C11orf87: variants seen among roughly 807,000 people sequenced by gnomAD.
The protein encoded by C11orf87 is chromosome 11 open reading frame 87.
C11orf87 carries 3 observed loss-of-function variants against 9.2 expected under a neutral mutation model. The observed-to-expected ratio is 0.33, with a 90% confidence interval of 0.15 to 0.84. The LOEUF (loss-of-function observed/expected upper bound fraction) is 0.84, where lower values mean the gene tolerates loss of function less well. Among genes scored for constraint, C11orf87 ranks in the 40% least tolerant of loss-of-function variants. The probability of loss-of-function intolerance (pLI) is 0.55; values close to 1 mark genes in which losing one functional copy is unlikely to be tolerated. For synonymous variants in C11orf87, 124 were observed against 124.6 expected (o/e 1.00, Z 0.03); for missense variants, 256 against 270.7 (o/e 0.95, Z 0.38).
chr11:109,424,231 T>C lies in C11orf87; in HGVS notation c.*4T>C. The C allele has an allele frequency of 6.2e-7, 1 of 1,605,112 alleles. No individual in the cohort carries two copies. The highest frequency in any genetic ancestry group is 1.7e-5 in the Admixed American group (1 of 58,516). On this transcript the variant is annotated 3_prime_UTR_variant, in exon 2 of 2. Transcript: ENST00000327419. This position sits in a 1 kb window ranked among gnomAD's most constrained non-coding sequence, Gnocchi z 4.7. ...GCAAACGGTGGTACTGTCCTGATCGTCTAGCCCCTCTCGTTCCCCGTCCTC... is the reference window on the plus strand; with the variant it reads ...GCAAACGGTGGTACTGTCCTGATCGCCTAGCCCCTCTCGTTCCCCGTCCTC...
At position 109,424,833 on chromosome 11, in the gene C11orf87, G is replaced by A. The variant is rs1021765738; in HGVS notation, c.*606G>A. Reference sequence around the variant, plus strand: ...AGCACCAGGACTGCAAGAGGCCATAGAGAATAGTCCCCGGAAAGTGTTTAT... The same window carrying A: ...AGCACCAGGACTGCAAGAGGCCATAAAGAATAGTCCCCGGAAAGTGTTTAT... On this transcript the variant is annotated 3_prime_UTR_variant, in exon 2 of 2. Coordinates refer to ENST00000327419, the MANE Select transcript of C11orf87 (RefSeq NM_207645.4). The surrounding 1 kb of genome is among the most constrained non-coding windows in gnomAD (Gnocchi z 4.7). The A allele has an allele frequency of 1.2e-5, 2 of 167,158 alleles. No homozygotes were observed. Among genetic ancestry groups the A allele is most frequent in the Admixed American group, 1.3e-4 (2 of 15,274 alleles). The allele number at this position is 167,158 out of a possible 1,614,324, so 10.4% of individuals were successfully genotyped here.
rs1017230491 is a variant in C11orf87 at position 109,425,692 on chromosome 11, G to A, written c.*1465G>A. ...AAGAATGCCATCTATTAAAAACATG[G>A]TTAATATTTAAACAGTGCCTGTAGT... On this transcript the variant is annotated 3_prime_UTR_variant, in exon 2 of 2. Transcript: ENST00000327419. The A allele has an allele frequency of 6.5e-6, 1 of 153,564 alleles. No individual in the cohort carries two copies. Among genetic ancestry groups the A allele is most frequent in the Non-Finnish European group, 1.5e-5 (1 of 68,038 alleles). 9.5% of individuals were successfully genotyped at this position (153,564 alleles called of 1,614,324 possible).
In C11orf87 at chr11:109,426,251, A is replaced by G. The variant is rs1176716199; in HGVS notation, c.*2024A>G. Reference sequence around the variant, plus strand: ...AAGCTCTACCAAGAGAGTCCTTACTATCCTGCAGGGTGTAAGGCAACAGTG... The same window carrying G: ...AAGCTCTACCAAGAGAGTCCTTACTGTCCTGCAGGGTGTAAGGCAACAGTG... On this transcript the variant is annotated 3_prime_UTR_variant, in exon 2 of 2. Coordinates refer to ENST00000327419, the MANE Select transcript of C11orf87 (RefSeq NM_207645.4). The G allele has an allele frequency of 1.3e-5, 2 of 152,184 alleles. No homozygotes were observed. The highest frequency in any genetic ancestry group is 1.9e-4 in the East Asian group (1 of 5,192). 9.4% of individuals were successfully genotyped at this position (152,184 alleles called of 1,614,324 possible).
chr11:109,424,164 C>G lies in C11orf87; in HGVS notation c.531C>G (p.His177Gln). ...CAGCCTCCAGTCCCCAAGGAGCACACGCAGCTTCCTCCTGTTTGGACACAG... is the reference window on the plus strand; with the variant it reads ...CAGCCTCCAGTCCCCAAGGAGCACAGGCAGCTTCCTCCTGTTTGGACACAG... ...PPPASSPQGAHAASSCLDTAG... is the reference protein window; with the variant it reads ...PPPASSPQGAQAASSCLDTAG... The change falls in exon 2 of 2, where the codon CAC (histidine) becomes CAG (glutamine). Residue 177 changes from histidine (H) to glutamine (Q), a missense_variant. Transcript: ENST00000327419. The surrounding 1 kb of genome is among the most constrained non-coding windows in gnomAD (Gnocchi z 4.7). The G allele has an allele frequency of 1.2e-6, 2 of 1,614,196 alleles. No individual in the cohort carries two copies. The highest frequency in any genetic ancestry group is 1.1e-5 in the South Asian group (1 of 91,086).
Position 109,423,981 on chromosome 11 carries a change from C to G in C11orf87, c.348C>G (p.Pro116=). The G allele has an allele frequency of 6.2e-7, 1 of 1,613,886 alleles. No individual in the cohort carries two copies. The highest frequency in any genetic ancestry group is 8.5e-7 in the Non-Finnish European group (1 of 1,179,864). ...CSGSRGGGGL[P]RPGRQAPTHA... ...GCAGCCGCGGTGGCGGGGGGCTGCC[C>G]CGACCTGGCAGGCAGGCCCCAACCC... is the stretch of plus-strand genomic sequence containing the variant. The change falls in exon 2 of 2, where the codon CCC becomes CCG. Residue 116 remains proline (P), a synonymous_variant. Coordinates refer to ENST00000327419, the MANE Select transcript of C11orf87 (RefSeq NM_207645.4). The surrounding 1 kb of genome is among the most constrained non-coding windows in gnomAD (Gnocchi z 5.3).
Position 109,422,212 on chromosome 11 carries a change from C to T in C11orf87, c.-311C>T, listed in dbSNP as rs1484294275. On this transcript the variant is annotated 5_prime_UTR_variant, in exon 1 of 2. Transcript: ENST00000327419. ...TTCACTCCACGCTTTCTGCAGCCGCCACTGCAGCCGCGCGGCGGGGGCTCC... is the reference window on the plus strand; with the variant it reads ...TTCACTCCACGCTTTCTGCAGCCGCTACTGCAGCCGCGCGGCGGGGGCTCC... The T allele has an allele frequency of 1.5e-5, 3 of 203,570 alleles. No individual in the cohort carries two copies. The highest frequency in any genetic ancestry group is 3.0e-5 in the Non-Finnish European group (3 of 100,882). The allele number at this position is 203,570 out of a possible 1,614,324, so 12.6% of individuals were successfully genotyped here.
Position 109,424,562 on chromosome 11 carries a change from C to A in C11orf87, c.*335C>A. The A allele has an allele frequency of 5.9e-6, 1 of 170,822 alleles. No homozygotes were observed. The allele number at this position is 170,822 out of a possible 1,614,324, so 10.6% of individuals were successfully genotyped here. ...TGGAGGATGCATCTTCCCATTCCAC[C>A]CCGCGCTCCCCTCAATTAGGAGGAG... On this transcript the variant is annotated 3_prime_UTR_variant, in exon 2 of 2. Coordinates refer to ENST00000327419, the MANE Select transcript of C11orf87 (RefSeq NM_207645.4). The surrounding 1 kb of genome is among the most constrained non-coding windows in gnomAD (Gnocchi z 4.7).
rs1194545276 is a variant in C11orf87, at chr11:109,428,153, A to G, written c.*3926A>G. ...AAATATCTAGATGGAAAGCAAAAAT[A>G]TCCAGAAGAGGTTTAGGGCCATCTA... On this transcript the variant is annotated 3_prime_UTR_variant, in exon 2 of 2. Coordinates refer to ENST00000327419, the MANE Select transcript of C11orf87 (RefSeq NM_207645.4). 1 of 152,166 alleles carries G rather than the reference A, an allele frequency of 6.6e-6. No individual in the cohort carries two copies. The highest frequency in any genetic ancestry group is 1.5e-5 in the Non-Finnish European group (1 of 67,984). 9.4% of individuals were successfully genotyped at this position (152,166 alleles called of 1,614,324 possible). A position where few individuals can be genotyped will look rare whatever the true frequency, so the allele number is the denominator to read the frequency against.
At position 109,424,808 on chromosome 11, in the gene C11orf87, A is replaced by T. The variant is rs910909662; in HGVS notation, c.*581A>T. On this transcript the variant is annotated 3_prime_UTR_variant, in exon 2 of 2. Coordinates refer to ENST00000327419, the MANE Select transcript of C11orf87 (RefSeq NM_207645.4). The surrounding 1 kb of genome is among the most constrained non-coding windows in gnomAD (Gnocchi z 4.7). The stretch of plus-strand genomic sequence containing the variant: ...TATTATAAAGAAAATGTCTACATTA[A>T]GCACCAGGACTGCAAGAGGCCATAG... 5 of 167,124 alleles carry T rather than the reference A, an allele frequency of 3.0e-5. No individual in the cohort carries two copies. Among genetic ancestry groups the T allele is most frequent in the Non-Finnish European group, 7.3e-5 (5 of 68,164 alleles). The allele number at this position is 167,124 out of a possible 1,614,324, so 10.4% of individuals were successfully genotyped here. A position where few individuals can be genotyped will look rare whatever the true frequency, so the allele number is the denominator to read the frequency against.
rs1205623439 is a variant in C11orf87 at position 109,425,235 on chromosome 11, G to A, written c.*1008G>A. ...CTTCTTTTTCTACAATCGAGTTAGC[G>A]TGTACTATTGGTTTTCTTATTATTA... On this transcript the variant is annotated 3_prime_UTR_variant, in exon 2 of 2. Transcript: ENST00000327419. 2 of 166,496 alleles carry A rather than the reference G, an allele frequency of 1.2e-5. No homozygotes were observed. Among genetic ancestry groups the A allele is most frequent in the Non-Finnish European group, 1.5e-5 (1 of 68,064 alleles). The allele number at this position is 166,496 out of a possible 1,614,324, so 10.3% of individuals were successfully genotyped here. A position where few individuals can be genotyped will look rare whatever the true frequency, so the allele number is the denominator to read the frequency against.
In C11orf87 at chr11:109,423,993, G is replaced by C. The variant is rs552501040; in HGVS notation, c.360G>C (p.Arg120Ser). The C allele has an allele frequency of 6.2e-7, 1 of 1,613,888 alleles. No homozygotes were observed. The highest frequency in any genetic ancestry group is 1.3e-5 in the African/African-American group (1 of 75,064). The change falls in exon 2 of 2, where the codon AGG becomes AGC. Residue 120 changes from arginine (R) to serine (S), a missense_variant. By Grantham distance (110) the Arg-to-Ser change is moderately radical. Coordinates refer to ENST00000327419, the MANE Select transcript of C11orf87 (RefSeq NM_207645.4). The surrounding 1 kb of genome is among the most constrained non-coding windows in gnomAD (Gnocchi z 5.3). ...RGGGGLPRPG[R>S]QAPTHAKETR... ...GCGGGGGGCTGCCCCGACCTGGCAG[G>C]CAGGCCCCAACCCACGCAAAGGAAA...
At position 109,425,308 on chromosome 11, in the gene C11orf87, G is replaced by C. The variant is rs1860557911; in HGVS notation, c.*1081G>C. The C allele has an allele frequency of 1.2e-5, 2 of 166,654 alleles. No homozygotes were observed. The highest frequency in any genetic ancestry group is 2.4e-5 in the African/African-American group (1 of 41,322). 10.3% of individuals were successfully genotyped at this position (166,654 alleles called of 1,614,324 possible). A position where few individuals can be genotyped will look rare whatever the true frequency, so the allele number is the denominator to read the frequency against. On this transcript the variant is annotated 3_prime_UTR_variant, in exon 2 of 2. Transcript: ENST00000327419. ...TTGTAAAAAAAAAAAAGTATTAGGT[G>C]ATGTGCAGTACTGAAAGTGCAGTAT...
At position 109,424,421 on chromosome 11, in the gene C11orf87, G is replaced by A. The variant is rs923646237; in HGVS notation, c.*194G>A. The A allele has an allele frequency of 3.8e-6, 2 of 530,296 alleles. No individual in the cohort carries two copies. The highest frequency in any genetic ancestry group is 3.7e-5 in the Admixed American group (1 of 26,680). The allele number at this position is 530,296 out of a possible 1,614,324, so 32.8% of individuals were successfully genotyped here. ...TATTTGTAAATATTGGGCGAGGAAA[G>A]TCTCGGAAGAAGAAATAACGCTGAT... is the stretch of plus-strand genomic sequence containing the variant. On this transcript the variant is annotated 3_prime_UTR_variant, in exon 2 of 2. Transcript: ENST00000327419. The surrounding 1 kb of genome is among the most constrained non-coding windows in gnomAD (Gnocchi z 4.7).
rs759575149 is a variant in C11orf87, at chr11:109,423,674, C to A, written c.41C>A (p.Pro14Gln). The change falls in exon 2 of 2, where the codon CCG becomes CAG. Residue 14 changes from proline to glutamine, a missense_variant. Coordinates refer to ENST00000327419, the MANE Select transcript of C11orf87 (RefSeq NM_207645.4). The surrounding 1 kb of genome is among the most constrained non-coding windows in gnomAD (Gnocchi z 5.3). ...CCGAAGGAGCTGAGGCTGGCGTTGC[C>A]GCCGTGTCTCCTCAACCGGACCTTT... ...RAPKELRLAL[P>Q]PCLLNRTFAS... is the part of the protein sequence containing the mutation. 2 of 1,608,496 alleles carry A rather than the reference C, an allele frequency of 1.2e-6. No individual in the cohort carries two copies. The highest frequency in any genetic ancestry group is 2.2e-5 in the South Asian group (2 of 90,956).
At position 109,423,637 on chromosome 11, in the gene C11orf87, A is replaced by G; in HGVS notation, c.4A>G (p.Ser2Gly). The G allele has an allele frequency of 6.3e-7, 1 of 1,597,130 alleles. No homozygotes were observed. The highest frequency in any genetic ancestry group is 8.5e-7 in the Non-Finnish European group (1 of 1,178,026). M[S>G]ARAPKELRLA... Reference sequence around the variant, plus strand: ...GGCCCCTCCCAGCCCCGCGCCAATGAGTGCCAGGGCGCCGAAGGAGCTGAG... The same window carrying G: ...GGCCCCTCCCAGCCCCGCGCCAATGGGTGCCAGGGCGCCGAAGGAGCTGAG... Residue 2 changes from serine to glycine, a missense_variant, in exon 2 of 2, where the codon AGT (serine) becomes GGT (glycine). Physicochemically the swap from Ser to Gly is moderately conservative, Grantham distance 56. Transcript: ENST00000327419. The surrounding 1 kb of genome is among the most constrained non-coding windows in gnomAD (Gnocchi z 5.3).
Position 109,423,427 on chromosome 11 carries a change from T to C in C11orf87, c.-207T>C. On this transcript the variant is annotated 5_prime_UTR_variant, in exon 2 of 2. Coordinates refer to ENST00000327419, the MANE Select transcript of C11orf87 (RefSeq NM_207645.4). This position sits in a 1 kb window ranked among gnomAD's most constrained non-coding sequence, Gnocchi z 5.3. The stretch of plus-strand genomic sequence containing the variant: ...GCGTGGAGACGTGTTCGAGGTGGTA[T>C]CGGCGAGGATCTCTCGGGCGCCGCT... The C allele has an allele frequency of 1.7e-6, 1 of 586,190 alleles. No homozygotes were observed. Among genetic ancestry groups the C allele is most frequent in the Non-Finnish European group, 3.0e-6 (1 of 333,094 alleles). The allele number at this position is 586,190 out of a possible 1,614,324, so 36.3% of individuals were successfully genotyped here.
chr11:109,424,324 T>A lies in C11orf87; in HGVS notation c.*97T>A. Reference sequence around the variant, plus strand: ...TCCTTTTCCATTTTCCTCTGGCCCCTCTTTCCTCTTCCTGGTTTCCTTACC... The same window carrying A: ...TCCTTTTCCATTTTCCTCTGGCCCCACTTTCCTCTTCCTGGTTTCCTTACC... On this transcript the variant is annotated 3_prime_UTR_variant, in exon 2 of 2. Transcript: ENST00000327419. The surrounding 1 kb of genome is among the most constrained non-coding windows in gnomAD (Gnocchi z 4.7). 3.1e-6 allele frequency: 3 copies of A among 971,646 alleles called. No homozygotes were observed. The highest frequency in any genetic ancestry group is 2.6e-5 in the East Asian group (1 of 37,882). The allele number at this position is 971,646 out of a possible 1,614,324, so 60.2% of individuals were successfully genotyped here.
intron 1 of C11orf87, among the ~76,000 whole-genome samples, chr11:109,422,673 G>A (rs1860507412): frequency 6.6e-6 from 1 of 150,820 alleles, no homozygotes; most frequent in Admixed American, 6.6e-5. Context: ...AAATGGGGAG[G>A]AGGGGGCCGT....
At position 109,423,645 on chromosome 11, in the gene C11orf87, G is replaced by A; in HGVS notation, c.12G>A (p.Arg4=). ...CCAGCCCCGCGCCAATGAGTGCCAG[G>A]GCGCCGAAGGAGCTGAGGCTGGCGT... is the stretch of plus-strand genomic sequence containing the variant. The part of the protein sequence containing the change: MSA[R]APKELRLALP... Residue 4 remains arginine, a synonymous_variant, in exon 2 of 2, where the codon AGG becomes AGA. Transcript: ENST00000327419. This position sits in a 1 kb window ranked among gnomAD's most constrained non-coding sequence, Gnocchi z 5.3. The A allele has an allele frequency of 6.2e-7, 1 of 1,600,460 alleles. No homozygotes were observed. Among genetic ancestry groups the A allele is most frequent in the African/African-American group, 1.3e-5 (1 of 75,004 alleles).
Sources: allele counts gnomAD v4.1 joint callset (sites outside exome capture counted in the v4.1 genomes callset), GRCh38; gene constraint gnomAD v4.1.1; non-coding constraint Gnocchi (gnomAD v3.1); transcripts MANE v1.5; gene names NCBI Gene and HGNC (gene_info 2026-07-23, HGNC 2026-07-21).